IFRD1: variants seen among roughly 807,000 people sequenced by gnomAD.
IFRD1 encodes the protein interferon-related developmental regulator 1.
IFRD1 carries 35 observed loss-of-function variants against 52.9 expected under a neutral mutation model. The ratio of observed to expected loss-of-function variants is 0.66; its 90% confidence interval spans 0.51 to 0.88. IFRD1 has a LOEUF of 0.88. Among genes scored for constraint, IFRD1 ranks in the 40% least tolerant of loss-of-function variants. The probability of loss-of-function intolerance (pLI) is 0.00; values close to 1 mark genes in which losing one functional copy is unlikely to be tolerated. For synonymous variants in IFRD1, 184 were observed against 188.4 expected, an observed-to-expected ratio of 0.98 and a Z score of 0.19; for missense variants, 517 against 550.8, an observed-to-expected ratio of 0.94 and a Z score of 0.61.
chr7:112,438,895 C>T (rs1342504098), intron 1 of IFRD1, among the ~76,000 whole-genome samples: 2 of 152,108 alleles, frequency 1.3e-5, no homozygotes, highest in Non-Finnish European at 2.9e-5. Context: ...TGAAAGTTAG[C>T]CACCTGGGAT....
At position 112,450,702 on chromosome 7, in the gene IFRD1, A is replaced by G. The variant is rs151204901; in HGVS notation, c.14A>G (p.Lys5Arg). Residue 5 changes from lysine to arginine, a missense_variant, in exon 1 of 12, where the codon AAG (lysine) becomes AGG (arginine). Lys to Arg is a conservative substitution (Grantham distance 26). Coordinates refer to ENST00000403825, the MANE Select transcript of IFRD1 (RefSeq NM_001550.4). MPKN[K>R]KRNTPHRGSS... is the part of the protein sequence containing the mutation. ...GGGCGTCCCACGATGCCGAAGAACA[A>G]GAAGCGGAACACTCCCCACCGCGGT... The G allele has an allele frequency of 6.2e-7, 1 of 1,612,910 alleles. No homozygotes were observed. Among genetic ancestry groups the G allele is most frequent in the Non-Finnish European group, 8.5e-7 (1 of 1,179,860 alleles).
At chr7:112,445,162 G>A (rs1794991169) in intron 1 of IFRD1, among the ~76,000 whole-genome samples, 1 of 148,748 alleles carries the variant, frequency 6.7e-6, no homozygotes. Context: ...CGCTTCCCGA[G>A]TTCATGCCAT....
intron 9 of IFRD1, among the ~76,000 whole-genome samples, chr7:112,468,744 C>T (rs982301031): frequency 1.2e-4 from 18 of 152,176 alleles, no homozygotes; most frequent in African/African-American, 4.1e-4. Context: ...GTGATCCACC[C>T]GCATCGGCCT....
At chr7:112,445,177 C>T (rs1563261663) in intron 1 of IFRD1, among the ~76,000 whole-genome samples, 1 of 151,206 alleles carries the variant, frequency 6.6e-6, no homozygotes, top group Non-Finnish European at 1.5e-5. Context: ...TGCCATTCTC[C>T]TGCCTCAGCC....
intron 1 of IFRD1, among the ~76,000 whole-genome samples, chr7:112,441,779 T>A (rs1338586179): frequency 6.6e-6 from 1 of 152,222 alleles, no homozygotes; most frequent in African/African-American, 2.4e-5. Flanking sequence ...GACTAGGAAC[T>A]TTATGAGGCC....
chr7:112,429,993 C>T (rs1297997839), intron 1 of IFRD1, among the ~76,000 whole-genome samples: 2 of 152,202 alleles, frequency 1.3e-5, no homozygotes, highest in Non-Finnish European at 2.9e-5. Context: ...TTCTCAGCTT[C>T]TTCCTACTTC....
intron 1 of IFRD1, among the ~76,000 whole-genome samples, chr7:112,445,133 C>A (rs898049018): frequency 7.0e-6 from 1 of 143,646 alleles, no homozygotes; most frequent in Admixed American, 7.4e-5. Flanking sequence ...GTGGCGCAAT[C>A]TCGGCTCACT....
In IFRD1 at chr7:112,472,890, C is replaced by CT. The variant is rs776472369; in HGVS notation, c.1266+30dup. On this transcript the variant is annotated intron_variant, in intron 11 of 11. Coordinates refer to ENST00000403825, the MANE Select transcript of IFRD1 (RefSeq NM_001550.4). ...GGTTTTGTTTTTATTTTTAATAAAACTAAGTGCGCCAAAGCTTTGATTCTG... is the reference window on the plus strand; with the variant it reads ...GGTTTTGTTTTTATTTTTAATAAAACTTAAGTGCGCCAAAGCTTTGATTCTG... 3 of 1,444,860 alleles carry CT rather than the reference C, an allele frequency of 2.1e-6. No individual in the cohort carries two copies. In the African/African-American group the frequency reaches 4.2e-5, roughly 20 times the overall value. 89.5% of individuals were successfully genotyped at this position (1,444,860 alleles called of 1,614,324 possible).
intron 1 of IFRD1, among the ~76,000 whole-genome samples, chr7:112,445,397 T>C (rs1382136584): frequency 6.6e-6 from 1 of 152,150 alleles, no homozygotes; most frequent in Non-Finnish European, 1.5e-5. Flanking sequence ...AGACGCACTG[T>C]TTACCAATGG....
intron 1 of IFRD1, among the ~76,000 whole-genome samples, chr7:112,438,706 A>T (rs1192235670): frequency 6.6e-6 from 1 of 152,238 alleles, no homozygotes; most frequent in Admixed American, 6.5e-5. Flanking sequence ...AATCAAGCCA[A>T]CAAATAAACA....
chr7:112,448,806 A>C (rs1313293487), upstream of IFRD1, among the ~76,000 whole-genome samples: 2 of 152,250 alleles, frequency 1.3e-5, no homozygotes, highest in Non-Finnish European at 2.9e-5. Flanking sequence ...GGAAGGTGGC[A>C]GCATGAGCTA....
chr7:112,472,512 TC>T (rs1362971293), intron 10 of IFRD1, among the ~76,000 whole-genome samples, 165 bp downstream of exon 10: 1 of 152,220 alleles, frequency 6.6e-6, no homozygotes, highest in Non-Finnish European at 1.5e-5. Flanking sequence ...CTGAAGCTGT[TC>T]CTTTTTTTTT....
At chr7:112,431,193 G>T (rs775432293) in intron 1 of IFRD1, among the ~76,000 whole-genome samples, 1 of 152,134 alleles carries the variant, frequency 6.6e-6, no homozygotes, top group Non-Finnish European at 1.5e-5. Flanking sequence ...TAGACTAGGA[G>T]GTTTCTGTCT....
chr7:112,454,306 C>T (rs966088626), intron 1 of IFRD1, among the ~76,000 whole-genome samples: 1 of 151,786 alleles, frequency 6.6e-6, no homozygotes, highest in Non-Finnish European at 1.5e-5. Flanking sequence ...TGATTCTGTG[C>T]CTCAGCCTCC....
chr7:112,439,164 A>C (rs1380559192), intron 1 of IFRD1, among the ~76,000 whole-genome samples: 1 of 152,246 alleles, frequency 6.6e-6, no homozygotes, highest in Non-Finnish European at 1.5e-5. Flanking sequence ...CAGTTTTAAC[A>C]GGGTGTCCTT....
At chr7:112,436,496 C>A (rs192387742) in intron 1 of IFRD1, among the ~76,000 whole-genome samples, 63 of 151,756 alleles carry the variant, frequency 4.2e-4, no homozygotes, top group Middle Eastern at 3.4e-3. Flanking sequence ...TATTTACTGA[C>A]GTTTTATTAA....
In IFRD1 at chr7:112,477,121, T is replaced by C. The variant is rs1474356596; in HGVS notation, c.*1602T>C. ...AAAAGAGATTGCAAATGGTAGTTTCTTCTAGATATTCAAATGCATATATGT... is the reference window on the plus strand; with the variant it reads ...AAAAGAGATTGCAAATGGTAGTTTCCTCTAGATATTCAAATGCATATATGT... On this transcript the variant is annotated 3_prime_UTR_variant, in exon 12 of 12. Coordinates refer to ENST00000403825, the MANE Select transcript of IFRD1 (RefSeq NM_001550.4). 17 of 152,236 alleles carry C rather than the reference T, an allele frequency of 1.1e-4. No homozygotes were observed. Among genetic ancestry groups the C allele is most frequent in the Non-Finnish European group, 1.5e-5 (1 of 68,044 alleles). 9.4% of individuals were successfully genotyped at this position (152,236 alleles called of 1,614,324 possible).
chr7:112,461,697 A>T lies in IFRD1; in HGVS notation c.568-169A>T, dbSNP rs1447486837. On this transcript the variant is annotated intron_variant, in intron 5 of 11. Coordinates refer to ENST00000403825, the MANE Select transcript of IFRD1 (RefSeq NM_001550.4). ...CTTGAGCTGAAACGCACTTCCTTTG[A>T]TCTTAGTTCAATATTCTTTCTCTCC... The T allele has an allele frequency of 1.2e-5, 5 of 411,178 alleles. No homozygotes were observed. The Admixed American group carries it at 2.0e-4, about 16-fold the overall frequency. The allele number at this position is 411,178 out of a possible 1,614,324, so 25.5% of individuals were successfully genotyped here.
chr7:112,474,793 G>C (rs1038015348), intron 11 of IFRD1, among the ~76,000 whole-genome samples: 1 of 151,954 alleles, frequency 6.6e-6, no homozygotes, highest in Non-Finnish European at 1.5e-5. Context: ...TGTTCTAATT[G>C]ACAGCCAAGT....
Sources: gnomAD v4.1 joint callset for allele counts (sites outside exome capture counted in the v4.1 genomes callset) on GRCh38, gnomAD v4.1.1 for gene constraint, MANE v1.5 for transcripts, NCBI Gene and HGNC (gene_info 2026-07-23, HGNC 2026-07-21) for gene names.